The following CHST3 variants were observed in gnomAD, a reference collection of about 807,000 sequenced individuals.
The protein encoded by CHST3 is carbohydrate sulfotransferase 3.
In CHST3, 20 loss-of-function variants were observed where a neutral mutation model predicts 35.4. That is an observed-to-expected ratio of 0.57 (90% CI 0.40 to 0.82). CHST3 has a LOEUF of 0.82. CHST3 is among the 40% of genes least tolerant of loss of function. The probability of loss-of-function intolerance (pLI) is 0.00; values close to 1 mark genes in which losing one functional copy is unlikely to be tolerated. For missense variants in CHST3, 693 were observed against 670.1 expected, an observed-to-expected ratio of 1.03 and a Z score of -0.38; for synonymous variants, 334 against 295.9, an observed-to-expected ratio of 1.13 and a Z score of -1.32.
intron 1 of CHST3, among the ~76,000 whole-genome samples, chr10:72,000,524 C>G (rs978184020): frequency 2.6e-5 from 4 of 151,484 alleles, no homozygotes; most frequent in Non-Finnish European, 4.4e-5. Flanking sequence ...AAGGAGCCAG[C>G]CAGAGCAGAT....
chr10:71,969,679 G>A (rs1392183910), intron 1 of CHST3, among the ~76,000 whole-genome samples: 2 of 152,222 alleles, frequency 1.3e-5, no homozygotes, highest in Non-Finnish European at 2.9e-5. Context: ...CGGAAGTTGG[G>A]GGACTGGGTG....
intron 1 of CHST3, among the ~76,000 whole-genome samples, chr10:71,980,269 A>G (rs1032139976): frequency 6.6e-6 from 1 of 152,024 alleles, no homozygotes. Context: ...AATTCCAAAC[A>G]CTTTGGGAGG....
At chr10:71,995,421 C>CAA (rs35954993) in intron 1 of CHST3, among the ~76,000 whole-genome samples, 1,532 of 120,182 alleles carry the variant, frequency 0.013, 35 homozygotes, top group African/African-American at 0.045. Context: ...GAGTCTGTCT[C>CAA]AAAAAAAAAA....
chr10:71,979,549 G>A (rs903842729), intron 1 of CHST3, among the ~76,000 whole-genome samples: 3 of 152,000 alleles, frequency 2.0e-5, no homozygotes, highest in Non-Finnish European at 4.4e-5. Flanking sequence ...GATGGGGGAG[G>A]GGTGGTGCTT....
At chr10:71,980,167 G>A (rs1419129613) in intron 1 of CHST3, among the ~76,000 whole-genome samples, 1 of 152,164 alleles carries the variant, frequency 6.6e-6, no homozygotes, top group African/African-American at 2.4e-5. Context: ...CCAACTTTTA[G>A]ACTAAAACCT....
chr10:71,990,868 C>T (rs769981949), intron 1 of CHST3, among the ~76,000 whole-genome samples: 17 of 152,208 alleles, frequency 1.1e-4, no homozygotes, highest in Non-Finnish European at 2.5e-4. Flanking sequence ...AGAAAGGACA[C>T]TCCCATGAAC....
In CHST3 at chr10:71,964,682, C is replaced by T. The variant is rs1589493623; in HGVS notation, c.-120C>T. On this transcript the variant is annotated 5_prime_UTR_variant, in exon 1 of 3. Coordinates refer to ENST00000373115, the MANE Select transcript of CHST3 (RefSeq NM_004273.5). ...GGAGGGTCGGGGCCGCCGGTGGAGT[C>T]TCGGCGGCCGGGGTAAGTGGGGCGC... 3 of 151,994 alleles carry T rather than the reference C, an allele frequency of 2.0e-5. No individual in the cohort carries two copies. Among genetic ancestry groups the T allele is most frequent in the South Asian group, 4.1e-4 (2 of 4,824 alleles). 9.4% of individuals were successfully genotyped at this position (151,994 alleles called of 1,614,324 possible).
intron 1 of CHST3, among the ~76,000 whole-genome samples, chr10:71,996,317 G>C (rs1839937524): frequency 6.6e-6 from 1 of 152,146 alleles, no homozygotes; most frequent in Non-Finnish European, 1.5e-5. Context: ...ATAAGCAAAA[G>C]CAAGGAAACT....
At chr10:71,968,055 A>G (rs1686220478) in intron 1 of CHST3, among the ~76,000 whole-genome samples, 1 of 149,706 alleles carries the variant, frequency 6.7e-6, no homozygotes, top group South Asian at 2.1e-4. Flanking sequence ...TGACCTCGTG[A>G]TCTGCTCACC....
chr10:71,969,883 C>T (rs1352377151), intron 1 of CHST3, among the ~76,000 whole-genome samples: 1 of 152,208 alleles, frequency 6.6e-6, no homozygotes, highest in Admixed American at 6.5e-5. Flanking sequence ...TGCGAAGGAA[C>T]ACTCAGAGAG....
chr10:71,977,256 C>T (rs1839754925), intron 1 of CHST3, among the ~76,000 whole-genome samples: 2 of 152,220 alleles, frequency 1.3e-5, no homozygotes, highest in South Asian at 2.1e-4. Flanking sequence ...CCTGCCCGCT[C>T]AGCTTCCAAG....
intron 1 of CHST3, among the ~76,000 whole-genome samples, chr10:71,987,207 C>A (rs945350820): frequency 6.6e-6 from 1 of 151,986 alleles, no homozygotes; most frequent in Non-Finnish European, 1.5e-5. Context: ...TCTCCCTAAC[C>A]GCTGCTTCTC....
Position 71,993,634 on chromosome 10 carries a change from A to G in CHST3, c.-107-12102A>G, listed in dbSNP as rs937870789. On this transcript the variant is annotated intron_variant, in intron 1 of 2. Transcript: ENST00000373115. ...AGAGGAATCACTGTCTATTGCAGCT[A>G]TAGCCTTACAAAATGTATTTCTTAA... 7.2e-5 allele frequency among the ~76,000 whole-genome samples: 11 copies of G among 152,346 alleles called. No individual in the cohort carries two copies. In the East Asian group the frequency reaches 1.9e-3, roughly 27 times the overall value.
Position 71,964,685 on chromosome 10 carries a change from G to T in CHST3, c.-117G>T, listed in dbSNP as rs1437464545. The stretch of plus-strand genomic sequence containing the variant: ...GGGTCGGGGCCGCCGGTGGAGTCTC[G>T]GCGGCCGGGGTAAGTGGGGCGCCGG... On this transcript the variant is annotated 5_prime_UTR_variant, in exon 1 of 3. Coordinates refer to ENST00000373115, the MANE Select transcript of CHST3 (RefSeq NM_004273.5). 6.6e-6 allele frequency: 1 copy of T among 151,908 alleles called. No homozygotes were observed. The highest frequency in any genetic ancestry group is 1.5e-5 in the Non-Finnish European group (1 of 67,950). The allele number at this position is 151,908 out of a possible 1,614,324, so 9.4% of individuals were successfully genotyped here.
At chr10:71,976,445 T>C (rs1321586536) in intron 1 of CHST3, among the ~76,000 whole-genome samples, 1 of 152,190 alleles carries the variant, frequency 6.6e-6, no homozygotes, top group African/African-American at 2.4e-5. Flanking sequence ...TTTGTACAAC[T>C]CTGGCCCCTA....
At chr10:72,004,655 G>A (rs532483612) in intron 1 of CHST3, among the ~76,000 whole-genome samples, 15 of 152,172 alleles carry the variant, frequency 9.9e-5, no homozygotes, top group African/African-American at 3.6e-4. Flanking sequence ...TTGTTACCAG[G>A]CCTTGCGTTT....
intron 1 of CHST3, among the ~76,000 whole-genome samples, chr10:71,996,431 C>A (rs976046868): frequency 1.4e-5 from 2 of 145,928 alleles, no homozygotes; most frequent in African/African-American, 5.2e-5. Context: ...ACCAACCCCC[C>A]CCCAACGTAT....
intron 1 of CHST3, among the ~76,000 whole-genome samples, chr10:71,969,387 C>G (rs571187489): frequency 3.9e-5 from 6 of 152,334 alleles, no homozygotes; most frequent in African/African-American, 1.2e-4. Flanking sequence ...ATCCCCGGCC[C>G]CAAGGGCTGA....
rs1840131283 is a variant in CHST3, at chr10:72,013,274, A to G, written c.*4803A>G. The G allele has an allele frequency of 1.3e-5, 2 of 152,228 alleles. No individual in the cohort carries two copies. Among genetic ancestry groups the G allele is most frequent in the Admixed American group, 6.5e-5 (1 of 15,278 alleles). 9.4% of individuals were successfully genotyped at this position (152,228 alleles called of 1,614,324 possible). On this transcript the variant is annotated 3_prime_UTR_variant, in exon 3 of 3. Coordinates refer to ENST00000373115, the MANE Select transcript of CHST3 (RefSeq NM_004273.5). ...CCTTCACGGCATACACTGCCATGGT[A>G]TGTACATATGCATCCACGTGTGTGT...
Sources: gnomAD v4.1 joint callset for allele counts (sites outside exome capture counted in the v4.1 genomes callset) on GRCh38, gnomAD v4.1.1 for gene constraint, MANE v1.5 for transcripts, NCBI Gene and HGNC (gene_info 2026-07-23, HGNC 2026-07-21) for gene names.